Variants in XYLT1 observed in about 807,000 individuals in gnomAD.
XYLT1 encodes the protein beta-D-xylosyltransferase 1.
In XYLT1, 36 loss-of-function variants were observed where a neutral mutation model predicts 91.3. That is an observed-to-expected ratio of 0.39 (90% CI 0.30 to 0.52). XYLT1 has a LOEUF of 0.52. XYLT1 is among the 20% of genes least tolerant of loss of function. XYLT1 has a pLI of 0.68. For synonymous variants in XYLT1, 588 were observed against 532.0 expected (o/e 1.11, Z -1.45); for missense variants, 1,242 against 1,284.5 (o/e 0.97, Z 0.51).
chr16:17,279,015 G>A (rs1454851901), intron 2 of XYLT1, among the ~76,000 whole-genome samples: 1 of 152,228 alleles, frequency 6.6e-6, no homozygotes, highest in Non-Finnish European at 1.5e-5. Context: ...CCTGAGACCA[G>A]GAGAATCCTG....
chr16:17,402,025 G>T (rs779429823), intron 1 of XYLT1, among the ~76,000 whole-genome samples: 2 of 152,076 alleles, frequency 1.3e-5, no homozygotes, highest in Non-Finnish European at 2.9e-5. Flanking sequence ...TAGGCTGAGC[G>T]TGGTGGCTCA....
chr16:17,122,028 AT>A (rs1001277841), intron 10 of XYLT1, among the ~76,000 whole-genome samples: 1 of 151,830 alleles, frequency 6.6e-6, no homozygotes, highest in Non-Finnish European at 1.5e-5. Context: ...GGCTGCTTCC[AT>A]TTTTTTTGCA....
intron 6 of XYLT1, among the ~76,000 whole-genome samples, chr16:17,158,503 A>G (rs1260176737): frequency 6.6e-6 from 1 of 152,236 alleles, no homozygotes; most frequent in Non-Finnish European, 1.5e-5. Flanking sequence ...TATGGGCCTC[A>G]GTCTTCCCAT....
chr16:17,393,849 C>A (rs559698599), intron 1 of XYLT1, among the ~76,000 whole-genome samples: 126 of 152,164 alleles, frequency 8.3e-4, no homozygotes, highest in African/African-American at 2.6e-3. Context: ...CATCTTGGCT[C>A]ACTGCAAGCT....
At chr16:17,185,525 C>CT (rs1374504180) in intron 5 of XYLT1, among the ~76,000 whole-genome samples, 9 of 152,196 alleles carry the variant, frequency 5.9e-5, no homozygotes, top group Non-Finnish European at 8.8e-5. Flanking sequence ...ACCCAAATAT[C>CT]TGAGTGTTGG....
chr16:17,448,747 G>A (rs1207312830), intron 1 of XYLT1, among the ~76,000 whole-genome samples: 1 of 152,018 alleles, frequency 6.6e-6, no homozygotes, highest in Non-Finnish European at 1.5e-5. Flanking sequence ...GGTGGAGGAG[G>A]AGGAGGGCAG....
chr16:17,320,823 TACCACGGAAATGAGG>T (rs2034707783), intron 2 of XYLT1, among the ~76,000 whole-genome samples: 2 of 151,340 alleles, frequency 1.3e-5, no homozygotes, highest in South Asian at 2.1e-4. Flanking sequence ...TAGGTTTTCT[TACCACGGAAATGAGG>T]TTAATGATAA....
chr16:17,109,160 T>A (rs1966820216), intron 11 of XYLT1, 143 bp from the exon 12 acceptor site: 1 of 919,058 alleles, frequency 1.1e-6, no homozygotes, highest in Admixed American at 3.6e-5. Context: ...GAAGTTCTTT[T>A]AGCAGTCCCA....
At chr16:17,225,238 C>T (rs982192907) in intron 3 of XYLT1, among the ~76,000 whole-genome samples, 3 of 151,742 alleles carry the variant, frequency 2.0e-5, no homozygotes, top group African/African-American at 7.3e-5. Context: ...TGTTCTGAAA[C>T]GTCAACTGTT....
intron 2 of XYLT1, among the ~76,000 whole-genome samples, chr16:17,298,007 G>A (rs1313739203): frequency 4.0e-5 from 6 of 150,496 alleles, no homozygotes; most frequent in East Asian, 1.9e-4. Context: ...GGCGACGAGC[G>A]AGACTCCGTC....
rs1021184322 is a variant in XYLT1, at chr16:17,117,987, A to G, written c.2224-8T>C. 1 of 1,602,028 alleles carries G rather than the reference A, an allele frequency of 6.2e-7. No homozygotes were observed. The highest frequency in any genetic ancestry group is 8.5e-7 in the Non-Finnish European group (1 of 1,171,564). On this transcript the variant is annotated splice_region_variant and splice_polypyrimidine_tract_variant and intron_variant, in intron 10 of 11. Coordinates refer to ENST00000261381, the MANE Select transcript of XYLT1 (RefSeq NM_022166.4). ...ATCCCAGTCAGTGCCGACCTGAAACAGGGGAGTGAATTCTGAAGTCACTGG... is the reference window on the plus strand; with the variant it reads ...ATCCCAGTCAGTGCCGACCTGAAACGGGGGAGTGAATTCTGAAGTCACTGG...
chr16:17,424,781 T>C (rs909731131), intron 1 of XYLT1, among the ~76,000 whole-genome samples: 3 of 149,668 alleles, frequency 2.0e-5, no homozygotes, highest in Non-Finnish European at 4.4e-5. Flanking sequence ...GGCAGGAGAA[T>C]TGCTTGAACC....
chr16:17,417,712 T>C (rs1328938057), intron 1 of XYLT1, among the ~76,000 whole-genome samples: 2 of 152,244 alleles, frequency 1.3e-5, no homozygotes, highest in African/African-American at 4.8e-5. Context: ...TAGTGTCTTA[T>C]TCCCCTCCTC....
chr16:17,385,588 G>A (rs556090334), intron 1 of XYLT1, among the ~76,000 whole-genome samples: 8 of 151,666 alleles, frequency 5.3e-5, no homozygotes, highest in African/African-American at 1.7e-4. Context: ...CTAGTTTCAC[G>A]GTTTTTGCCA....
intron 5 of XYLT1, among the ~76,000 whole-genome samples, chr16:17,166,952 T>C (rs1224535350): frequency 6.6e-6 from 1 of 152,230 alleles, no homozygotes; most frequent in African/African-American, 2.4e-5. Flanking sequence ...GAGAAAATGC[T>C]TCATAATAAC....
chr16:17,259,308 T>C lies in XYLT1; in HGVS notation c.593A>G (p.Glu198Gly), dbSNP rs1272342705. 1 of 1,614,168 alleles carries C rather than the reference T, an allele frequency of 6.2e-7. No individual in the cohort carries two copies. The highest frequency in any genetic ancestry group is 2.2e-5 in the East Asian group (1 of 44,876). The change falls in exon 3 of 12, where the codon GAA (glutamate) becomes GGA (glycine). Residue 198 changes from glutamate to glycine, a missense_variant. Physicochemically the swap from Glu to Gly is moderately conservative, Grantham distance 98 (BLOSUM62 -2). This residue lies in a region of XYLT1 where 437 missense variants were observed against 411.5 expected (regional missense o/e 1.06). Coordinates refer to ENST00000261381, the MANE Select transcript of XYLT1 (RefSeq NM_022166.4). ...ATGTCCTTTTCCTTTCTCCTGCTGT[T>C]CCAGCTTCCTTTTCAAAAGCTCCTT... ...RQKELLKRKLEQQEKGKGHTF... is the reference protein window; with the variant it reads ...RQKELLKRKLGQQEKGKGHTF...
At chr16:17,184,586 C>G (rs1014385674) in intron 5 of XYLT1, among the ~76,000 whole-genome samples, 5 of 152,188 alleles carry the variant, frequency 3.3e-5, no homozygotes, top group African/African-American at 1.2e-4. Flanking sequence ...TTTAGTTCCT[C>G]AGTCCCACAA....
intron 1 of XYLT1, 103 bp from the exon 2 acceptor site, chr16:17,358,153 A>G: frequency 1.3e-5 from 16 of 1,193,450 alleles, no homozygotes; most frequent in Non-Finnish European, 1.8e-5. Flanking sequence ...TTTAAGAGAC[A>G]GGGTCTCGCT....
intron 1 of XYLT1, among the ~76,000 whole-genome samples, chr16:17,437,644 G>A (rs1294965745): frequency 6.6e-6 from 1 of 152,114 alleles, no homozygotes; most frequent in Non-Finnish European, 1.5e-5. Flanking sequence ...TCGTGGAGCG[G>A]TTGTTTAGAT....
Sources: allele counts gnomAD v4.1 joint callset (sites outside exome capture counted in the v4.1 genomes callset), GRCh38; gene constraint gnomAD v4.1.1; regional missense constraint gnomAD v4.1.1; transcripts MANE v1.5; gene names NCBI Gene and HGNC (gene_info 2026-07-23, HGNC 2026-07-21).